Variants in LANCL3 observed in about 807,000 individuals in gnomAD.
The protein encoded by LANCL3 is LanC like family member 3, also known as lanC-like protein 3.
A neutral mutation model predicts 26.5 loss-of-function variants in LANCL3; 19 were observed. That is an observed-to-expected ratio of 0.72 (90% CI 0.50 to 1.05). The LOEUF (loss-of-function observed/expected upper bound fraction) is 1.05, where lower values mean the gene tolerates loss of function less well. Ranked by LOEUF, LANCL3 falls within the 50% of genes least tolerant of loss-of-function variation. The probability of loss-of-function intolerance (pLI) is 0.00; values close to 1 mark genes in which losing one functional copy is unlikely to be tolerated. For missense variants in LANCL3, 318 were observed against 362.7 expected, an observed-to-expected ratio of 0.88 and a Z score of 1.00; for synonymous variants, 160 against 166.6, an observed-to-expected ratio of 0.96 and a Z score of 0.30.
intron 1 of LANCL3, among the ~76,000 whole-genome samples, chrX:37,592,896 G>A (rs1470264396): frequency 9.0e-6 from 1 of 111,311 alleles, no homozygotes; most frequent in Non-Finnish European, 1.9e-5. Flanking sequence ...CAATAAAGAA[G>A]AGTCTCTAAA....
chrX:37,661,122 C>T (rs1376903478), intron 3 of LANCL3, among the ~76,000 whole-genome samples: 1 of 111,273 alleles, frequency 9.0e-6, no homozygotes, highest in Non-Finnish European at 1.9e-5. Flanking sequence ...GGATATCCTC[C>T]AAGCATACCA....
intron 1 of LANCL3, among the ~76,000 whole-genome samples, chrX:37,641,982 A>G (rs1175095472): frequency 2.7e-5 from 3 of 111,628 alleles, no homozygotes; most frequent in African/African-American, 9.8e-5. Flanking sequence ...GACGGATTGG[A>G]GGGTGTCCAT....
At chrX:37,651,020 G>C (rs1926127828) in intron 1 of LANCL3, among the ~76,000 whole-genome samples, 1 of 109,938 alleles carries the variant, frequency 9.1e-6, no homozygotes, top group Non-Finnish European at 1.9e-5. Flanking sequence ...CAGAATGATG[G>C]TTTCCAGCTT....
In LANCL3 at chrX:37,683,445, A is replaced by T. The variant is rs1338828419; in HGVS notation, c.*7632A>T. 1 of 112,119 alleles carries T rather than the reference A, an allele frequency of 8.9e-6. No individual in the cohort carries two copies. The highest frequency in any genetic ancestry group is 2.7e-4 in the East Asian group (1 of 3,640). 9.2% of individuals were successfully genotyped at this position (112,119 alleles called of 1,213,427 possible). On this transcript the variant is annotated 3_prime_UTR_variant, in exon 5 of 5. Coordinates refer to ENST00000378619, the MANE Select transcript of LANCL3 (RefSeq NM_001170331.2). Reference sequence around the variant, plus strand: ...AATGCAGAGTTAAAAACATAAAATTATAAAAAAAAATAATAGTGATTGGTT... The same window carrying T: ...AATGCAGAGTTAAAAACATAAAATTTTAAAAAAAAATAATAGTGATTGGTT...
At chrX:37,607,201 T>C (rs782090136) in intron 1 of LANCL3, among the ~76,000 whole-genome samples, 3 of 112,610 alleles carry the variant, frequency 2.7e-5, no homozygotes, top group Non-Finnish European at 5.6e-5. Context: ...TCCCATAACA[T>C]ACATTTCCTT....
chrX:37,654,578 A>G (rs1480878642), intron 1 of LANCL3, among the ~76,000 whole-genome samples: 5 of 112,270 alleles, frequency 4.5e-5, no homozygotes, highest in Admixed American at 1.9e-4. Flanking sequence ...CATCCAGAAC[A>G]GTCTTGCCTG....
chrX:37,668,278 C>A (rs1926596761), intron 4 of LANCL3: 6 of 139,018 alleles, frequency 4.3e-5, no homozygotes, highest in Admixed American at 2.0e-4. Context: ...TATATATATC[C>A]TAGTTATATA....
At chrX:37,618,815 A>G (rs1407317197) in intron 1 of LANCL3, among the ~76,000 whole-genome samples, 2 of 112,242 alleles carry the variant, frequency 1.8e-5, no homozygotes, top group Non-Finnish European at 3.8e-5. Context: ...TATATTCACA[A>G]GTACTAGAGG....
chrX:37,584,051 T>C (rs782226983), intron 1 of LANCL3, among the ~76,000 whole-genome samples: 7 of 111,856 alleles, frequency 6.3e-5, no homozygotes, highest in Non-Finnish European at 1.1e-4. Flanking sequence ...TTGTCAAAGG[T>C]CTTTTCTGCA....
At chrX:37,643,230 T>TA (rs1925911649) in intron 1 of LANCL3, among the ~76,000 whole-genome samples, 1 of 112,065 alleles carries the variant, frequency 8.9e-6, no homozygotes, top group Non-Finnish European at 1.9e-5. Context: ...GACATATTGA[T>TA]AAAATAAAAT....
rs1569469376 is a variant in LANCL3, at chrX:37,655,783, GTATTCTTAC to G, written c.673_681del (p.Ser225_Tyr227del). 1 of 1,206,349 alleles carries G rather than the reference GTATTCTTAC, an allele frequency of 8.3e-7. No individual in the cohort carries two copies. Among genetic ancestry groups the G allele is most frequent in the Admixed American group, 2.2e-5 (1 of 45,538 alleles). Reference sequence around the variant, plus strand: ...AGAAGAGGAAACCATTCCCCCTGATGTATTCTTACTATGGAACCGAATACTTGGGTAAGT... The same window carrying G: ...AGAAGAGGAAACCATTCCCCCTGATGTATGGAACCGAATACTTGGGTAAGT... On this transcript the variant is annotated inframe_deletion, in exon 2 of 5. Transcript: ENST00000378619.
In LANCL3 at chrX:37,572,419, G is replaced by A. The variant is rs1556415835; in HGVS notation, c.549G>A (p.Val183=). 1 of 1,176,015 alleles carries A rather than the reference G, an allele frequency of 8.5e-7. No homozygotes were observed. Among genetic ancestry groups the A allele is most frequent in the Admixed American group, 2.5e-5 (1 of 40,468 alleles). ...GRAGYLCAAL[V]LKQKLAQEVL... ...CGGGTTACCTGTGTGCCGCGCTGGT[G>A]CTCAAGCAGAAACTCGCCCAGGAGG... Residue 183 remains valine (V), a synonymous_variant, in exon 1 of 5, where the codon GTG becomes GTA. Coordinates refer to ENST00000378619, the MANE Select transcript of LANCL3 (RefSeq NM_001170331.2).
At chrX:37,668,738 C>T (rs1926608751) in intron 4 of LANCL3, among the ~76,000 whole-genome samples, 1 of 111,838 alleles carries the variant, frequency 8.9e-6, no homozygotes, top group South Asian at 3.7e-4. Flanking sequence ...AGAGTAGCCC[C>T]TGTACTGTTG....
chrX:37,673,515 G>A (rs1926730130), intron 4 of LANCL3, among the ~76,000 whole-genome samples: 1 of 110,451 alleles, frequency 9.1e-6, no homozygotes, highest in African/African-American at 3.3e-5. Flanking sequence ...TTTTAGTCCT[G>A]TAATTAGCAT....
At chrX:37,618,039 G>A (rs1453041980) in intron 1 of LANCL3, among the ~76,000 whole-genome samples, 2 of 111,558 alleles carry the variant, frequency 1.8e-5, no homozygotes, top group African/African-American at 3.3e-5. Context: ...CAGCTGAAAG[G>A]GCTTCTTGAA....
Position 37,667,284 on chromosome X carries a change from A to G in LANCL3, c.898A>G (p.Ile300Val), listed in dbSNP as rs782570236. 7.2e-6 allele frequency: 8 copies of G among 1,106,162 alleles called. No homozygotes were observed. In the South Asian group the frequency reaches 1.9e-4, roughly 27 times the overall value. The allele number at this position is 1,106,162 out of a possible 1,213,427, so 91.2% of individuals were successfully genotyped here. A position where few individuals can be genotyped will look rare whatever the true frequency, so the allele number is the denominator to read the frequency against. The change falls in exon 4 of 5, where the codon ATT (isoleucine) becomes GTT (valine). Residue 300 changes from isoleucine (I) to valine (V), a missense_variant and splice_region_variant. Coordinates refer to ENST00000378619, the MANE Select transcript of LANCL3 (RefSeq NM_001170331.2). ...LVHWCHGAPG[I>V]AYLFAKAYLV... ...TAATATCTTTGATGTTTTCACAGGAATTGCCTATCTGTTTGCCAAAGCTTA... is the reference window on the plus strand; with the variant it reads ...TAATATCTTTGATGTTTTCACAGGAGTTGCCTATCTGTTTGCCAAAGCTTA...
At chrX:37,666,715 GACTC>G (rs1556434082) in intron 3 of LANCL3, among the ~76,000 whole-genome samples, 4 of 111,883 alleles carry the variant, frequency 3.6e-5, no homozygotes, top group Non-Finnish European at 5.6e-5. Flanking sequence ...GGGTGGGAAG[GACTC>G]ACTTCACAGC....
At chrX:37,635,892 A>T (rs782243291) in intron 1 of LANCL3, among the ~76,000 whole-genome samples, 1 of 110,675 alleles carries the variant, frequency 9.0e-6, no homozygotes, top group East Asian at 2.8e-4. Flanking sequence ...TGGTGTACAG[A>T]TTATTTCATC....
At chrX:37,609,305 A>C (rs1556420853) in intron 1 of LANCL3, among the ~76,000 whole-genome samples, 1 of 111,792 alleles carries the variant, frequency 8.9e-6, no homozygotes, top group Non-Finnish European at 1.9e-5. Context: ...TGGAGGCTAA[A>C]CTAAGGTTTT....
Sources: gnomAD v4.1 joint callset for allele counts (sites outside exome capture counted in the v4.1 genomes callset) on GRCh38, gnomAD v4.1.1 for gene constraint, MANE v1.5 for transcripts, NCBI Gene and HGNC (gene_info 2026-07-23, HGNC 2026-07-21) for gene names.